GRIP1: variants seen among roughly 807,000 people sequenced by gnomAD.
GRIP1 encodes the protein glutamate receptor-interacting protein 1.
GRIP1 carries 45 observed loss-of-function variants against 129.9 expected under a neutral mutation model. That is an observed-to-expected ratio of 0.35 (90% CI 0.27 to 0.44). The LOEUF (loss-of-function observed/expected upper bound fraction) is 0.44, where lower values mean the gene tolerates loss of function less well. GRIP1 is among the 20% of genes least tolerant of loss of function. The pLI is 1.00. For missense variants in GRIP1, 1,196 were observed against 1,396.8 expected (o/e 0.86, Z 2.29); for synonymous variants, 530 against 520.8 (o/e 1.02, Z -0.24).
intron 1 of GRIP1, among the ~76,000 whole-genome samples, chr12:66,936,139 G>A (rs1343848155): frequency 6.6e-6 from 1 of 152,176 alleles, no homozygotes; most frequent in Non-Finnish European, 1.5e-5. Flanking sequence ...GGGAGAATAA[G>A]CTGAGCCCCT....
chr12:66,737,226 T>C (rs563115545), intron 1 of GRIP1, among the ~76,000 whole-genome samples: 26 of 152,148 alleles, frequency 1.7e-4, no homozygotes, highest in Admixed American at 3.9e-4. Context: ...TCTTTCTAGG[T>C]TCTGCAAATT....
At chr12:66,494,430 C>T (rs979160361) in intron 7 of GRIP1, among the ~76,000 whole-genome samples, 1 of 152,172 alleles carries the variant, frequency 6.6e-6, no homozygotes, top group Non-Finnish European at 1.5e-5. Context: ...TTGTTTCATA[C>T]ATCTGCTATA....
intron 2 of GRIP1, among the ~76,000 whole-genome samples, chr12:66,586,417 AC>A (rs1206326440): frequency 6.6e-6 from 1 of 151,966 alleles, no homozygotes; most frequent in African/African-American, 2.4e-5. Context: ...ATCTTCCTTC[AC>A]TGCCAACCTC....
At chr12:66,630,328 A>T (rs530720951) in intron 1 of GRIP1, 2 of 151,734 alleles carry the variant, frequency 1.3e-5, no homozygotes, top group Non-Finnish European at 2.9e-5. Context: ...CGGGCAACAG[A>T]GCGAGACTCT....
intron 1 of GRIP1, among the ~76,000 whole-genome samples, chr12:66,689,882 T>C (rs979082130): frequency 6.6e-6 from 1 of 152,118 alleles, no homozygotes; most frequent in Non-Finnish European, 1.5e-5. Flanking sequence ...TTGGACATTT[T>C]AATGTATTGT....
chr12:66,593,121 C>A (rs1209623847), intron 2 of GRIP1, among the ~76,000 whole-genome samples: 1 of 152,062 alleles, frequency 6.6e-6, no homozygotes, highest in Non-Finnish European at 1.5e-5. Flanking sequence ...ACTAAAAAAT[C>A]CTTTTATTCT....
At chr12:66,614,119 A>G (rs1311525541) in intron 1 of GRIP1, among the ~76,000 whole-genome samples, 1 of 151,952 alleles carries the variant, frequency 6.6e-6, no homozygotes, top group Non-Finnish European at 1.5e-5. Context: ...TTTCAGACCT[A>G]TAAATAAGTA....
At position 66,775,820 on chromosome 12, in the gene GRIP1, T is replaced by C. The variant is rs570838665; in HGVS notation, c.-420+28233A>G. On this transcript the variant is annotated intron_variant, in intron 1 of 4. Transcript: ENST00000538373. Reference sequence around the variant, plus strand: ...TCTGTGATATACTGATAGGTGTTACTAGGGGGAAAAATGGTTTTCTGTGGT... The same window carrying C: ...TCTGTGATATACTGATAGGTGTTACCAGGGGGAAAAATGGTTTTCTGTGGT... Among the ~76,000 whole-genome samples the C allele has an allele frequency of 3.9e-5, 6 of 152,308 alleles. No individual in the cohort carries two copies. The East Asian group carries it at 7.7e-4, about 20-fold the overall frequency.
intron 1 of GRIP1, among the ~76,000 whole-genome samples, chr12:66,908,876 C>T (rs1012635423): frequency 6.6e-6 from 1 of 152,094 alleles, no homozygotes; most frequent in African/African-American, 2.4e-5. Context: ...TGAAAACAAC[C>T]CTTGGATTTA....
chr12:66,835,608 G>A (rs2039598919), intron 1 of GRIP1, among the ~76,000 whole-genome samples: 1 of 152,186 alleles, frequency 6.6e-6, no homozygotes, highest in Non-Finnish European at 1.5e-5. Flanking sequence ...GGAAAACCAT[G>A]GAGGGAACTT....
At chr12:66,593,626 C>G (rs1037346304) in intron 2 of GRIP1, among the ~76,000 whole-genome samples, 4 of 152,132 alleles carry the variant, frequency 2.6e-5, no homozygotes, top group African/African-American at 9.7e-5. Context: ...CTTAAGGTGC[C>G]TTCTGCTACT....
Position 66,348,761 on chromosome 12 carries a change from G to C in GRIP1, c.*258C>G, listed in dbSNP as rs1246584729. 5 of 505,222 alleles carry C rather than the reference G, an allele frequency of 9.9e-6. No homozygotes were observed. The highest frequency in any genetic ancestry group is 6.6e-5 in the East Asian group (2 of 30,256). The allele number at this position is 505,222 out of a possible 1,614,324, so 31.3% of individuals were successfully genotyped here. ...CCTCTGATGTTAATTGTAGAGTTGT[G>C]GGGGACGGCCTATTTTTCTCTACCG... On this transcript the variant is annotated 3_prime_UTR_variant, in exon 25 of 25. Coordinates refer to ENST00000359742, the MANE Select transcript of GRIP1 (RefSeq NM_001366722.1).
At chr12:66,950,196 C>A (rs557767312) in intron 1 of GRIP1, among the ~76,000 whole-genome samples, 4 of 152,134 alleles carry the variant, frequency 2.6e-5, no homozygotes, top group Non-Finnish European at 4.4e-5. Flanking sequence ...AATTTAATGA[C>A]CATGTTGCAC....
chr12:66,401,568 A>G (rs2056989802), intron 16 of GRIP1, among the ~76,000 whole-genome samples: 1 of 148,440 alleles, frequency 6.7e-6, no homozygotes, highest in Admixed American at 6.7e-5. Flanking sequence ...GACAAGAGCA[A>G]AATTCCGTCT....
At chr12:66,984,773 C>A (rs1004027563) in intron 1 of GRIP1, among the ~76,000 whole-genome samples, 1 of 152,154 alleles carries the variant, frequency 6.6e-6, no homozygotes, top group African/African-American at 2.4e-5. Flanking sequence ...AAGTAAACAG[C>A]CCCTCTTATA....
chr12:66,725,318 T>C (rs892190821), intron 1 of GRIP1, among the ~76,000 whole-genome samples: 5 of 151,378 alleles, frequency 3.3e-5, no homozygotes, highest in Non-Finnish European at 7.4e-5. Flanking sequence ...AACACAAAAA[T>C]CGAAAACAAA....
intron 16 of GRIP1, among the ~76,000 whole-genome samples, chr12:66,403,103 G>C (rs1406987067): frequency 6.6e-6 from 1 of 152,066 alleles, no homozygotes; most frequent in Non-Finnish European, 1.5e-5. Context: ...ATGTGGTAGA[G>C]CTGAACTTTA....
chr12:66,830,643 A>G (rs573593274), intron 1 of GRIP1, among the ~76,000 whole-genome samples: 32 of 152,268 alleles, frequency 2.1e-4, no homozygotes, highest in African/African-American at 7.7e-4. Context: ...TTATAAAGTC[A>G]CTAAGTTTGT....
intron 1 of GRIP1, among the ~76,000 whole-genome samples, chr12:66,767,622 A>G (rs376461381): frequency 1.3e-5 from 2 of 152,132 alleles, no homozygotes; most frequent in East Asian, 1.9e-4. Flanking sequence ...GACGGTATTA[A>G]TAGGCTACCA....
Sources: gnomAD v4.1 joint callset for allele counts (sites outside exome capture counted in the v4.1 genomes callset) on GRCh38, gnomAD v4.1.1 for gene constraint, MANE v1.5 for transcripts, NCBI Gene and HGNC (gene_info 2026-07-23, HGNC 2026-07-21) for gene names.